Variants in SYNE1 observed in about 807,000 individuals in gnomAD.
SYNE1 encodes nesprin-1.
A neutral mutation model predicts 1,111.0 loss-of-function variants in SYNE1; 616 were observed. That is an observed-to-expected ratio of 0.55 (90% CI 0.52 to 0.59). The LOEUF (loss-of-function observed/expected upper bound fraction) is 0.59, where lower values mean the gene tolerates loss of function less well. Ranked by LOEUF, SYNE1 falls within the 20% of genes least tolerant of loss-of-function variation. The pLI is 0.00. For synonymous variants in SYNE1, 3,855 were observed against 3,825.8 expected (o/e 1.01, Z -0.28); for missense variants, 10,006 against 10,417.0 (o/e 0.96, Z 1.72).
rs17082717 is a variant in SYNE1 at position 152,459,234 on chromosome 6, C to T, written c.2395-304G>A. 0.025 allele frequency among the ~76,000 whole-genome samples: 3,784 copies of T among 152,232 alleles called. 82 individuals are homozygous for T. Among genetic ancestry groups the T allele is most frequent in the Non-Finnish European group, 0.033 (2,240 of 67,994 alleles). On this transcript the variant is annotated intron_variant, in intron 21 of 145. Transcript: ENST00000367255. ...TTGTTTTTAGTGAGCCAGATGGCAT[C>T]AAATTATACTTCATAAACCATGCAA... is the stretch of plus-strand genomic sequence containing the variant.
intron 18 of SYNE1, among the ~76,000 whole-genome samples, chr6:152,464,105 C>T (rs528850744): frequency 6.6e-6 from 1 of 152,158 alleles, no homozygotes; most frequent in African/African-American, 2.4e-5. Context: ...GATAAACCAT[C>T]GAAGCAAAAA....
At chr6:152,450,487 C>T in intron 27 of SYNE1, 138 bp downstream of exon 27, 1 of 926,592 alleles carries the variant, frequency 1.1e-6, no homozygotes, top group Non-Finnish European at 1.7e-6. Context: ...AAATCCATTC[C>T]TTTTATTAAA....
chr6:152,228,329 A>G (rs1228131440), intron 115 of SYNE1, among the ~76,000 whole-genome samples: 4 of 152,182 alleles, frequency 2.6e-5, no homozygotes, highest in Non-Finnish European at 5.9e-5. Flanking sequence ...TTTCAACCAC[A>G]CTTTAAGCTT....
intron 46 of SYNE1, among the ~76,000 whole-genome samples, chr6:152,403,938 G>A (rs1351613818): frequency 1.3e-5 from 2 of 151,892 alleles, no homozygotes; most frequent in Non-Finnish European, 2.9e-5. Context: ...TGACTCCCAT[G>A]TCTGATACAA....
Position 152,325,146 on chromosome 6 carries a change from C to T in SYNE1, c.15595G>A (p.Ala5199Thr). 1 of 1,614,200 alleles carries T rather than the reference C, an allele frequency of 6.2e-7. No homozygotes were observed. The highest frequency in any genetic ancestry group is 8.5e-7 in the Non-Finnish European group (1 of 1,180,034). ...TCCAGGATCTTCTCCTGGTCCTGGG[C>T]CACAGCTCGAAGGCGTGTCCAGCGC... ...WQRWTRLRAVAQDQEKILEDA... is the reference protein window; with the variant it reads ...WQRWTRLRAVTQDQEKILEDA... The change falls in exon 81 of 146, where the codon GCC (alanine) becomes ACC (threonine). Residue 5199 changes from alanine (A) to threonine (T), a missense_variant. By Grantham distance (58) the Ala-to-Thr change is moderately conservative. This residue lies in a region of SYNE1 where 4,955 missense variants were observed against 5,017.2 expected (regional missense o/e 0.99). Coordinates refer to ENST00000367255, the MANE Select transcript of SYNE1 (RefSeq NM_182961.4).
intron 145 of SYNE1, chr6:152,127,221 ACGGTTAAC>A (rs1266903040): frequency 6.6e-6 from 1 of 152,148 alleles, no homozygotes; most frequent in Middle Eastern, 3.2e-3. Context: ...GCAGAGTGGT[ACGGTTAAC>A]GGGGTAGGGT....
chr6:152,363,290 C>CGA (rs2096970956), intron 63 of SYNE1, among the ~76,000 whole-genome samples: 3 of 148,442 alleles, frequency 2.0e-5, no homozygotes, highest in African/African-American at 4.9e-5. Flanking sequence ...GTCAGGAGAT[C>CGA]AAGGCCATCC....
At chr6:152,377,633 AAAAAAAAATATAT>A (rs1449824484) in intron 56 of SYNE1, among the ~76,000 whole-genome samples, 3 of 81,510 alleles carry the variant, frequency 3.7e-5, no homozygotes, top group African/African-American at 1.2e-4. Flanking sequence ...AAAAAAAAAA[AAAAAAAAATATAT>A]ATATATATAT....
chr6:152,154,380 TGTAATTAGAAA>T (rs1175344374), intron 133 of SYNE1, among the ~76,000 whole-genome samples: 4 of 152,116 alleles, frequency 2.6e-5, no homozygotes, highest in Non-Finnish European at 4.4e-5. Flanking sequence ...CTCTTCACTG[TGTAATTAGAAA>T]TGAATTATAA....
At chr6:152,492,812 C>A (rs1473665835) in intron 11 of SYNE1, among the ~76,000 whole-genome samples, 2 of 152,210 alleles carry the variant, frequency 1.3e-5, no homozygotes, top group Admixed American at 6.5e-5. Context: ...ACATTACCTT[C>A]TTTTCAAGGG....
chr6:152,390,560 T>A, intron 52 of SYNE1, 108 bp from the exon 53 acceptor site: 1 of 1,172,480 alleles, frequency 8.5e-7, no homozygotes, highest in Non-Finnish European at 1.2e-6. Context: ...TTTACTTACC[T>A]TAAAATGAAA....
Position 152,330,579 on chromosome 6 carries a change from G to A in SYNE1, c.14106C>T (p.Thr4702=), listed in dbSNP as rs146180064. 220 of 1,613,818 alleles carry A rather than the reference G, an allele frequency of 1.4e-4. No homozygotes were observed. The highest frequency in any genetic ancestry group is 2.3e-4 in the South Asian group (21 of 91,066). ...AAAGAGCCTCCTCAACGGCCAGGTC[G>A]GTGGGAACTTTGCTCATCCTCAAGA... ...AQFLRMSKVP[T]DLAVEEALSL... The change falls in exon 78 of 146, where the codon ACC becomes ACT. Residue 4702 remains threonine, a synonymous_variant. Transcript: ENST00000367255.
At chr6:152,590,802 C>T (rs934290275) in intron 3 of SYNE1, among the ~76,000 whole-genome samples, 1 of 152,166 alleles carries the variant, frequency 6.6e-6, no homozygotes. Flanking sequence ...GTCTCACATA[C>T]TAATTCATTA....
At chr6:152,481,084 A>G in intron 14 of SYNE1, 1 of 270,508 alleles carries the variant, frequency 3.7e-6, no homozygotes, top group Non-Finnish European at 7.3e-6. Flanking sequence ...CGTAGGAGAT[A>G]CTACTGTCTA....
chr6:152,419,604 T>C lies in SYNE1; in HGVS notation c.5386A>G (p.Ile1796Val). 6.2e-7 allele frequency: 1 copy of C among 1,613,090 alleles called. No homozygotes were observed. Among genetic ancestry groups the C allele is most frequent in the South Asian group, 1.1e-5 (1 of 91,040 alleles). ...SELQTTSEIS[I>V]MDHQVALTRH... is the part of the protein sequence containing the mutation. ...GTAAGGGCTACTTGATGGTCCATTA[T>C]GCTAATCTCAGAGGTAGTTTGTAAT... The change falls in exon 40 of 146, where the codon ATA becomes GTA. Residue 1796 changes from isoleucine to valine, a missense_variant. By Grantham distance (29) the Ile-to-Val change is conservative. Around this residue, in one of 7 missense-constraint regions of SYNE1, gnomAD observed 4,955 missense variants for 5,017.2 expected, o/e 0.99. Transcript: ENST00000367255.
Position 152,136,626 on chromosome 6 carries a change from G to C in SYNE1, c.25651C>G (p.Gln8551Glu), listed in dbSNP as rs1175129665. 1 of 1,613,404 alleles carries C rather than the reference G, an allele frequency of 6.2e-7. No individual in the cohort carries two copies. Among genetic ancestry groups the C allele is most frequent in the South Asian group, 1.1e-5 (1 of 91,054 alleles). The change falls in exon 141 of 146, where the codon CAG becomes GAG. Residue 8551 changes from glutamine (Q) to glutamate (E), a missense_variant. This residue lies in a region of SYNE1 where 761 missense variants were observed against 795.5 expected (regional missense o/e 0.96). Coordinates refer to ENST00000367255, the MANE Select transcript of SYNE1 (RefSeq NM_182961.4). The part of the protein sequence containing the change: ...WRGLLQDALM[Q>E]CQGFHEMSHG... ...CCCAAAGCTCTACAGACCTGGCACTGCATCAGGGCATCCTGCAGCAGGCCC... is the reference window on the plus strand; with the variant it reads ...CCCAAAGCTCTACAGACCTGGCACTCCATCAGGGCATCCTGCAGCAGGCCC...
At chr6:152,377,625 AAAAAAAAAAAAAAAAATATATATAT>A (rs1237917087) in intron 56 of SYNE1, among the ~76,000 whole-genome samples, 2 of 107,654 alleles carry the variant, frequency 1.9e-5, no homozygotes, top group African/African-American at 9.1e-5. Flanking sequence ...AAAAAAAAAA[AAAAAAAAAAAAAAAAATATATATAT>A]ATATATATAT....
At chr6:152,534,193 TG>T (rs1375236276) in intron 4 of SYNE1, among the ~76,000 whole-genome samples, 2,403 of 148,984 alleles carry the variant, frequency 0.016, 57 homozygotes, top group African/African-American at 0.053. Flanking sequence ...AATGAATGAA[TG>T]AATGAATGAA....
At chr6:152,165,685 T>C (rs988233226) in intron 130 of SYNE1, among the ~76,000 whole-genome samples, 1 of 152,236 alleles carries the variant, frequency 6.6e-6, no homozygotes, top group African/African-American at 2.4e-5. Context: ...CCCAATTAGC[T>C]TTATAAATAC....
Sources: gnomAD v4.1 joint callset for allele counts (sites outside exome capture counted in the v4.1 genomes callset) on GRCh38, gnomAD v4.1.1 for gene constraint, gnomAD v4.1.1 regional missense constraint, MANE v1.5 for transcripts, NCBI Gene and HGNC (gene_info 2026-07-23, HGNC 2026-07-21) for gene names.